ADAM29: variants seen among roughly 807,000 people sequenced by gnomAD.
ADAM29 encodes the protein disintegrin and metalloproteinase domain-containing protein 29.
For synonymous variants in ADAM29, 367 were observed against 342.3 expected, an observed-to-expected ratio of 1.07 and a Z score of -0.80; for missense variants, 969 against 1,001.8, an observed-to-expected ratio of 0.97 and a Z score of 0.44.
intron 4 of ADAM29, among the ~76,000 whole-genome samples, chr4:174,948,428 T>C (rs1744973933): frequency 6.6e-6 from 1 of 151,948 alleles, no homozygotes; most frequent in South Asian, 2.1e-4. Flanking sequence ...ATTTTAGGAG[T>C]CCAAAGCTCA....
chr4:174,923,013 C>T (rs902745865), intron 2 of ADAM29, among the ~76,000 whole-genome samples: 2 of 152,054 alleles, frequency 1.3e-5, no homozygotes, highest in Non-Finnish European at 2.9e-5. Context: ...GTTAAAGTTA[C>T]TCAAGCTCTC....
chr4:174,967,048 A>G (rs141602602), intron 4 of ADAM29, among the ~76,000 whole-genome samples: 54 of 152,240 alleles, frequency 3.5e-4, no homozygotes, highest in African/African-American at 1.1e-3. Flanking sequence ...TTTCATTTGT[A>G]TGAGTTTGCT....
At chr4:174,966,835 A>G (rs1248113575) in intron 4 of ADAM29, among the ~76,000 whole-genome samples, 1 of 152,220 alleles carries the variant, frequency 6.6e-6, no homozygotes, top group Non-Finnish European at 1.5e-5. Flanking sequence ...AGAATAGCAT[A>G]TATTTGTAGC....
chr4:174,957,530 T>C (rs758541100), intron 4 of ADAM29, among the ~76,000 whole-genome samples: 15 of 151,846 alleles, frequency 9.9e-5, no homozygotes, highest in Non-Finnish European at 1.5e-4. Context: ...CACCAGTTTC[T>C]GTGTATCTAG....
intron 4 of ADAM29, among the ~76,000 whole-genome samples, chr4:174,939,262 C>A (rs1167691496): frequency 6.6e-6 from 1 of 152,136 alleles, no homozygotes; most frequent in Non-Finnish European, 1.5e-5. Flanking sequence ...GATATACTTT[C>A]TTTTCCATTT....
intron 3 of ADAM29, among the ~76,000 whole-genome samples, chr4:174,934,884 GAT>G (rs1744113258): frequency 6.6e-6 from 1 of 152,202 alleles, no homozygotes. Context: ...GGTTAAAAGA[GAT>G]ATAAACAATT....
At chr4:174,936,799 C>T (rs1434788889) in intron 3 of ADAM29, 134 bp from the exon 4 acceptor site, 1 of 151,780 alleles carries the variant, frequency 6.6e-6, no homozygotes, top group African/African-American at 2.4e-5. Context: ...TCACTAAGTG[C>T]TATCCTAGGA....
chr4:174,941,254 A>G (rs1270545753), intron 4 of ADAM29, among the ~76,000 whole-genome samples: 1 of 152,222 alleles, frequency 6.6e-6, no homozygotes, highest in Non-Finnish European at 1.5e-5. Flanking sequence ...GGATTAAATG[A>G]ATCATGGAAA....
At position 174,977,325 on chromosome 4, in the gene ADAM29, T is replaced by C. The variant is rs768184586; in HGVS notation, c.1800T>C (p.Asp600=). 9.3e-6 allele frequency: 15 copies of C among 1,613,528 alleles called. No individual in the cohort carries two copies. Among genetic ancestry groups the C allele is most frequent in the African/African-American group, 5.3e-5 (4 of 74,944 alleles). Reference sequence around the variant, plus strand: ...GACCTGATATTGGTGAAGTGAAAGATGGAACAGAGTGTGGGATAGATCATA... The same window carrying C: ...GACCTGATATTGGTGAAGTGAAAGACGGAACAGAGTGTGGGATAGATCATA... ...MKGPDIGEVK[D]GTECGIDHIC... The change falls in exon 5 of 5, where the codon GAT becomes GAC. Residue 600 remains aspartate, a synonymous_variant. Transcript: ENST00000359240.
At chr4:174,967,293 C>T (rs1330012186) in intron 4 of ADAM29, among the ~76,000 whole-genome samples, 1 of 151,810 alleles carries the variant, frequency 6.6e-6, no homozygotes, top group Non-Finnish European at 1.5e-5. Flanking sequence ...ATTGAGGTAA[C>T]AAGATTTTTC....
intron 4 of ADAM29, among the ~76,000 whole-genome samples, chr4:174,959,709 G>C (rs912976405): frequency 7.9e-5 from 12 of 151,178 alleles, no homozygotes; most frequent in African/African-American, 2.7e-4. Context: ...TACTTCAATT[G>C]GTAAATTTCT....
chr4:174,948,753 G>T (rs1271212081), intron 4 of ADAM29, among the ~76,000 whole-genome samples: 1 of 152,172 alleles, frequency 6.6e-6, no homozygotes, highest in African/African-American at 2.4e-5. Flanking sequence ...TGTGCTGATA[G>T]TGGCAGTGGT....
intron 3 of ADAM29, among the ~76,000 whole-genome samples, chr4:174,934,681 T>A (rs1051079065): frequency 6.6e-6 from 1 of 152,172 alleles, no homozygotes; most frequent in African/African-American, 2.4e-5. Context: ...TCCCCAGAGA[T>A]TCTGACTCAG....
At chr4:174,960,143 T>C (rs1579062987) in intron 4 of ADAM29, among the ~76,000 whole-genome samples, 1 of 152,210 alleles carries the variant, frequency 6.6e-6, no homozygotes, top group South Asian at 2.1e-4. Context: ...ATGTGATTTA[T>C]AGTGATAATC....
chr4:174,966,310 C>T (rs939230199), intron 4 of ADAM29, among the ~76,000 whole-genome samples: 3 of 152,080 alleles, frequency 2.0e-5, no homozygotes, highest in Non-Finnish European at 4.4e-5. Context: ...TTTTAACAGC[C>T]GCATGAGCCT....
chr4:174,943,232 T>C (rs1744649526), intron 4 of ADAM29, among the ~76,000 whole-genome samples: 1 of 152,302 alleles, frequency 6.6e-6, no homozygotes, highest in South Asian at 2.1e-4. Context: ...TCTTCCTGTC[T>C]TTTTCTAAGC....
At chr4:174,929,451 G>C (rs906239563) in intron 2 of ADAM29, among the ~76,000 whole-genome samples, 3 of 152,062 alleles carry the variant, frequency 2.0e-5, no homozygotes, top group Non-Finnish European at 4.4e-5. Context: ...GCTAGCGGAC[G>C]ATTTGAGGAG....
intron 4 of ADAM29, among the ~76,000 whole-genome samples, chr4:174,969,188 C>T (rs1746330624): frequency 1.3e-5 from 2 of 150,756 alleles, no homozygotes; most frequent in African/African-American, 4.9e-5. Context: ...TATTATTATA[C>T]TTTAAGTTCT....
chr4:174,944,820 T>C (rs1256696197), intron 4 of ADAM29, among the ~76,000 whole-genome samples: 2 of 152,218 alleles, frequency 1.3e-5, no homozygotes, highest in Non-Finnish European at 2.9e-5. Context: ...CTAAGGATAA[T>C]AGCCTCCAGC....
Sources: gnomAD v4.1 joint callset for allele counts (sites outside exome capture counted in the v4.1 genomes callset) on GRCh38, gnomAD v4.1.1 for gene constraint, MANE v1.5 for transcripts, NCBI Gene and HGNC (gene_info 2026-07-23, HGNC 2026-07-21) for gene names.